Variants in PACRG observed in about 807,000 individuals in gnomAD.
The protein encoded by PACRG is parkin coregulated gene protein.
A neutral mutation model predicts 29.7 loss-of-function variants in PACRG; 29 were observed. The observed-to-expected ratio is 0.98, with a 90% confidence interval of 0.73 to 1.33. PACRG has a LOEUF of 1.33. Among genes scored for constraint, PACRG ranks in the 40% most tolerant of loss-of-function variants. The pLI is 0.00. For synonymous variants in PACRG, 116 were observed against 118.7 expected (o/e 0.98, Z 0.15); for missense variants, 279 against 316.2 (o/e 0.88, Z 0.89).
intron 4 of PACRG, among the ~76,000 whole-genome samples, chr6:163,215,371 T>C (rs184336109): frequency 1.3e-5 from 2 of 152,352 alleles, no homozygotes; most frequent in East Asian, 3.9e-4. Context: ...ATTTTTATGT[T>C]AATTTAGCAA....
chr6:163,220,816 G>T (rs1470977684), intron 4 of PACRG, among the ~76,000 whole-genome samples: 2 of 152,114 alleles, frequency 1.3e-5, no homozygotes, highest in African/African-American at 4.8e-5. Context: ...CCAAGTACCA[G>T]GAACCATCCT....
chr6:162,954,178 A>T (rs1320855457), intron 2 of PACRG, among the ~76,000 whole-genome samples: 4 of 152,208 alleles, frequency 2.6e-5, no homozygotes, highest in Admixed American at 6.5e-5. Context: ...AGACTGATGA[A>T]ATGTTTCAGT....
upstream of PACRG, chr6:162,727,418 C>A: frequency 2.1e-6 from 1 of 479,922 alleles, no homozygotes; most frequent in Non-Finnish European, 3.6e-6. Flanking sequence ...CCCGTCGAGG[C>A]GGTCTTCATG....
intron 2 of PACRG, among the ~76,000 whole-genome samples, chr6:162,963,454 A>G (rs1318217636): frequency 6.6e-6 from 1 of 151,952 alleles, no homozygotes; most frequent in Admixed American, 6.6e-5. Context: ...ATGACATAGA[A>G]TAAAACAGAA....
chr6:162,772,357 G>A (rs143655133), intron 1 of PACRG, among the ~76,000 whole-genome samples: 45 of 152,234 alleles, frequency 3.0e-4, no homozygotes, highest in African/African-American at 1.0e-3. Flanking sequence ...CCTGAAAATC[G>A]ATGTGCAATA....
chr6:162,998,637 G>A (rs896615238), intron 2 of PACRG, among the ~76,000 whole-genome samples: 5 of 152,064 alleles, frequency 3.3e-5, no homozygotes, highest in African/African-American at 9.7e-5. Context: ...CTCTCATATT[G>A]TGGGTATATT....
chr6:162,743,715 A>G (rs1350688723), intron 1 of PACRG, among the ~76,000 whole-genome samples: 1 of 152,144 alleles, frequency 6.6e-6, no homozygotes, highest in Non-Finnish European at 1.5e-5. Flanking sequence ...ATTGAGATGT[A>G]ATTCATATAC....
chr6:162,833,117 T>A (rs552867522), intron 2 of PACRG, among the ~76,000 whole-genome samples: 1 of 152,140 alleles, frequency 6.6e-6, no homozygotes, highest in African/African-American at 2.4e-5. Context: ...CAACTAATAA[T>A]GAGGTGAGTT....
At chr6:163,099,975 G>T (rs547199283) in intron 4 of PACRG, among the ~76,000 whole-genome samples, 1 of 152,208 alleles carries the variant, frequency 6.6e-6, no homozygotes, top group South Asian at 2.1e-4. Flanking sequence ...ACGGGCTCCG[G>T]GCTAGGAGCT....
At chr6:162,963,268 T>A (rs376795698) in intron 2 of PACRG, among the ~76,000 whole-genome samples, 33 of 152,264 alleles carry the variant, frequency 2.2e-4, no homozygotes, top group African/African-American at 7.5e-4. Flanking sequence ...ACAAAAGATT[T>A]TTCCAAGATG....
intron 2 of PACRG, among the ~76,000 whole-genome samples, chr6:162,971,676 T>TA (rs1384606993): frequency 6.6e-6 from 1 of 152,220 alleles, no homozygotes; most frequent in Middle Eastern, 3.2e-3. Context: ...AACCTGTCTC[T>TA]AAAGTAAATC....
intron 4 of PACRG, among the ~76,000 whole-genome samples, chr6:163,109,628 C>A (rs916828651): frequency 6.6e-6 from 1 of 152,174 alleles, no homozygotes; most frequent in African/African-American, 2.4e-5. Flanking sequence ...GAAAAATCAA[C>A]TTCCTAAGCA....
At chr6:162,814,439 C>T in intron 2 of PACRG, 158 bp downstream of exon 2, 5 of 836,290 alleles carry the variant, frequency 6.0e-6, no homozygotes, top group South Asian at 2.3e-5. Flanking sequence ...CTGTGTCAGC[C>T]ATCCACCTTG....
intron 2 of PACRG, among the ~76,000 whole-genome samples, chr6:162,954,359 G>A (rs1799865443): frequency 6.6e-6 from 1 of 151,770 alleles, no homozygotes; most frequent in South Asian, 2.1e-4. Flanking sequence ...AAAAACATGG[G>A]TAATGTATAT....
chr6:162,845,842 A>G (rs1209701154), intron 2 of PACRG, among the ~76,000 whole-genome samples: 2 of 152,194 alleles, frequency 1.3e-5, no homozygotes. Context: ...GTATGTTATC[A>G]TACACTACCT....
At chr6:162,865,424 T>C (rs1213762001) in intron 2 of PACRG, among the ~76,000 whole-genome samples, 1 of 152,210 alleles carries the variant, frequency 6.6e-6, no homozygotes, top group Non-Finnish European at 1.5e-5. Context: ...AGCCTTCTCA[T>C]TGTAAATTAA....
intron 4 of PACRG, among the ~76,000 whole-genome samples, chr6:163,280,977 G>A (rs886897240): frequency 3.3e-5 from 5 of 152,130 alleles, no homozygotes; most frequent in Admixed American, 2.0e-4. Context: ...AATCACCAAG[G>A]AGGGAATGGA....
chr6:163,012,910 A>G (rs1338046971), intron 2 of PACRG, among the ~76,000 whole-genome samples: 5 of 152,328 alleles, frequency 3.3e-5, no homozygotes, highest in African/African-American at 1.2e-4. Flanking sequence ...GTAACTCTCT[A>G]TAGCTGAACT....
chr6:163,129,696 C>T (rs539274938), intron 4 of PACRG, among the ~76,000 whole-genome samples: 49 of 152,274 alleles, frequency 3.2e-4, no homozygotes, highest in Non-Finnish European at 6.5e-4. Flanking sequence ...GTTAGGAGCA[C>T]GGACTCCACC....
Sources: gnomAD v4.1 joint callset for allele counts (sites outside exome capture counted in the v4.1 genomes callset) on GRCh38, gnomAD v4.1.1 for gene constraint, MANE v1.5 for transcripts, NCBI Gene and HGNC (gene_info 2026-07-23, HGNC 2026-07-21) for gene names.